CTSS: variants seen among roughly 807,000 people sequenced by gnomAD.
The protein encoded by CTSS is cathepsin S.
CTSS carries 15 observed loss-of-function variants against 39.9 expected under a neutral mutation model. That is an observed-to-expected ratio of 0.38 (90% CI 0.25 to 0.58). CTSS has a LOEUF of 0.58. Among genes scored for constraint, CTSS ranks in the 20% least tolerant of loss-of-function variants. CTSS has a pLI of 0.70. For missense variants in CTSS, 250 were observed against 398.2 expected, an observed-to-expected ratio of 0.63 and a Z score of 3.17; for synonymous variants, 126 against 138.2, an observed-to-expected ratio of 0.91 and a Z score of 0.62.
chr1:150,750,902 A>G lies in CTSS; in HGVS notation c.628-731T>C, dbSNP rs977191079. Among the ~76,000 whole-genome samples the G allele has an allele frequency of 4.4e-4, 67 of 152,184 alleles. 2 individuals carry two copies. Among genetic ancestry groups the G allele is most frequent in the Non-Finnish European group, 2.1e-4 (14 of 68,032 alleles). ...AGCAATCCTCCCACCTCGACCTCCC[A>G]AAGTGCTGACATTACAGGTGTGAGC... On this transcript the variant is annotated intron_variant, in intron 5 of 7. Transcript: ENST00000368985.
intron 7 of CTSS, 53 bp from the exon 8 acceptor site, chr1:150,733,198 T>C: frequency 7.3e-7 from 1 of 1,369,786 alleles, no homozygotes; most frequent in Non-Finnish European, 1.0e-6. Context: ...CAAACCATGT[T>C]ATCAACTTTT....
In CTSS at chr1:150,730,934, A is replaced by G. The variant is rs1418887044; in HGVS notation, c.*2112T>C. On this transcript the variant is annotated 3_prime_UTR_variant, in exon 8 of 8. Transcript: ENST00000368985. ...CATTTTAATAACTGTATTTCGATAT[A>G]ATTAGATTCCTTTGTAATCCTATAT... 1 of 152,214 alleles carries G rather than the reference A, an allele frequency of 6.6e-6. No individual in the cohort carries two copies. Among genetic ancestry groups the G allele is most frequent in the Non-Finnish European group, 1.5e-5 (1 of 68,036 alleles). The allele number at this position is 152,214 out of a possible 1,614,324, so 9.4% of individuals were successfully genotyped here. A position where few individuals can be genotyped will look rare whatever the true frequency, so the allele number is the denominator to read the frequency against.
intron 7 of CTSS, among the ~76,000 whole-genome samples, chr1:150,744,492 G>A (rs1223601388): frequency 1.8e-5 from 1 of 54,690 alleles, no homozygotes; most frequent in African/African-American, 6.6e-5. Flanking sequence ...TGTATATTAT[G>A]TATACATAAT....
chr1:150,758,483 A>G (rs1483065284), intron 2 of CTSS, among the ~76,000 whole-genome samples: 1 of 149,556 alleles, frequency 6.7e-6, no homozygotes, highest in Non-Finnish European at 1.5e-5. Flanking sequence ...TTGATGGTTT[A>G]ATATTATTTT....
Position 150,751,992 on chromosome 1 carries a change from C to T in CTSS, c.416G>A (p.Cys139Tyr). Reference sequence around the variant, plus strand: ...GGCCCCCACAGCACTGAAAGCCCAGCAAGCACCACAAGAACCCTAAAACAG... The same window carrying T: ...GGCCCCCACAGCACTGAAAGCCCAGTAAGCACCACAAGAACCCTAAAACAG... ...EVKYQGSCGA[C>Y]WAFSAVGALE... The change falls in exon 5 of 8, where the codon TGC becomes TAC. Residue 139 changes from cysteine (C) to tyrosine (Y), a missense_variant. Cys to Tyr is a radical substitution (Grantham distance 194). Coordinates refer to ENST00000368985, the MANE Select transcript of CTSS (RefSeq NM_004079.5). 1 of 1,614,162 alleles carries T rather than the reference C, an allele frequency of 6.2e-7. No individual in the cohort carries two copies. The highest frequency in any genetic ancestry group is 8.5e-7 in the Non-Finnish European group (1 of 1,180,028).
intron 7 of CTSS, among the ~76,000 whole-genome samples, chr1:150,737,322 G>A (rs1222001421): frequency 4.6e-5 from 7 of 152,094 alleles, no homozygotes; most frequent in Non-Finnish European, 7.4e-5. Context: ...GGCTGGTCTC[G>A]AACTCCCAAC....
intron 7 of CTSS, among the ~76,000 whole-genome samples, chr1:150,742,368 A>G (rs1652786990): frequency 6.6e-6 from 1 of 152,224 alleles, no homozygotes; most frequent in Non-Finnish European, 1.5e-5. Context: ...CAGGCATTTC[A>G]GAAAGATACA....
chr1:150,739,684 CA>C (rs1239388971), intron 7 of CTSS, among the ~76,000 whole-genome samples: 3 of 150,778 alleles, frequency 2.0e-5, no homozygotes, highest in Non-Finnish European at 3.0e-5. Context: ...ACAACAACAA[CA>C]ACAACAACAA....
At chr1:150,736,968 T>C (rs1354865352) in intron 7 of CTSS, among the ~76,000 whole-genome samples, 1 of 152,216 alleles carries the variant, frequency 6.6e-6, no homozygotes, top group East Asian at 1.9e-4. Context: ...AAGAGTACTT[T>C]AAAAATTAAA....
At chr1:150,757,476 A>C (rs372833515) in intron 3 of CTSS, among the ~76,000 whole-genome samples, 1 of 152,296 alleles carries the variant, frequency 6.6e-6, no homozygotes, top group Middle Eastern at 3.4e-3. Context: ...GATATTAAAT[A>C]CCCACATTCT....
chr1:150,751,684 G>T, intron 5 of CTSS, 97 bp downstream of exon 5: 1 of 1,026,284 alleles, frequency 9.7e-7, no homozygotes, highest in Non-Finnish European at 1.5e-6. Context: ...ACACAATACT[G>T]CTTCTCAAGC....
intron 7 of CTSS, among the ~76,000 whole-genome samples, chr1:150,747,100 A>G (rs1296150946): frequency 1.3e-5 from 2 of 152,158 alleles, no homozygotes; most frequent in Non-Finnish European, 2.9e-5. Flanking sequence ...AAGGAACAGA[A>G]TCAAGGACAT....
chr1:150,755,977 T>C (rs1228710063), intron 3 of CTSS, among the ~76,000 whole-genome samples: 1 of 152,244 alleles, frequency 6.6e-6, no homozygotes, highest in Non-Finnish European at 1.5e-5. Flanking sequence ...TAATAAACTT[T>C]TAATTTTTTA....
chr1:150,731,115 C>G lies in CTSS; in HGVS notation c.*1931G>C, dbSNP rs1385038925. The G allele has an allele frequency of 6.6e-6, 1 of 152,140 alleles. No homozygotes were observed. Among genetic ancestry groups the G allele is most frequent in the Non-Finnish European group, 1.5e-5 (1 of 68,022 alleles). The allele number at this position is 152,140 out of a possible 1,614,324, so 9.4% of individuals were successfully genotyped here. On this transcript the variant is annotated 3_prime_UTR_variant, in exon 8 of 8. Coordinates refer to ENST00000368985, the MANE Select transcript of CTSS (RefSeq NM_004079.5). ...TAAAAACTGAAAAGTAGGCTGGGCT[C>G]AGTGGCTCACGCCTGTAATCTTAGC...
chr1:150,734,955 A>C (rs1652603181), intron 7 of CTSS, among the ~76,000 whole-genome samples: 1 of 152,238 alleles, frequency 6.6e-6, no homozygotes, highest in Non-Finnish European at 1.5e-5. Context: ...TAAGTGCTCT[A>C]GGATACAAAT....
Position 150,759,822 on chromosome 1 carries a change from G to C in CTSS, c.127-1842C>G, listed in dbSNP as rs74470446. ...CCCCAGGGAGCAGTCAGCAACAACT[G>C]TGTTCTGCCTCATTTCATTGAGCGG... On this transcript the variant is annotated intron_variant, in intron 2 of 7. Transcript: ENST00000368985. Among the ~76,000 whole-genome samples the C allele has an allele frequency of 8.1e-3, 1,240 of 152,218 alleles. 9 individuals are homozygous for C. Among genetic ancestry groups the C allele is most frequent in the Non-Finnish European group, 0.011 (732 of 68,014 alleles).
intron 7 of CTSS, among the ~76,000 whole-genome samples, chr1:150,739,681 CAA>C (rs1181037891): frequency 2.0e-5 from 3 of 150,976 alleles, no homozygotes; most frequent in Non-Finnish European, 2.9e-5. Context: ...ACAACAACAA[CAA>C]CAACAACAAC....
chr1:150,734,609 G>T (rs1652596170), intron 7 of CTSS, among the ~76,000 whole-genome samples: 1 of 152,022 alleles, frequency 6.6e-6, no homozygotes, highest in Admixed American at 6.6e-5. Flanking sequence ...TTGCGCCTGT[G>T]CACTCCAGCC....
intron 3 of CTSS, among the ~76,000 whole-genome samples, chr1:150,756,291 A>G (rs990435451): frequency 6.6e-6 from 1 of 152,212 alleles, no homozygotes; most frequent in African/African-American, 2.4e-5. Context: ...TTTCTACTGG[A>G]TGCCTCCTGA....
Sources: gnomAD v4.1 joint callset for allele counts (sites outside exome capture counted in the v4.1 genomes callset) on GRCh38, gnomAD v4.1.1 for gene constraint, MANE v1.5 for transcripts, NCBI Gene and HGNC (gene_info 2026-07-23, HGNC 2026-07-21) for gene names.